Variants in IQCE observed in about 807,000 individuals in gnomAD.
IQCE encodes the protein IQ domain-containing protein E.
Under a neutral mutation model 96.0 loss-of-function variants are expected in IQCE, and 115 were observed. The observed-to-expected ratio is 1.20, with a 90% CI of 1.03 to 1.40. The LOEUF is 1.40. IQCE is among the 40% of genes most tolerant of loss of function. IQCE has a pLI of 0.00. For synonymous variants in IQCE, 412 were observed against 371.2 expected, an observed-to-expected ratio of 1.11 and a Z score of -1.26; for missense variants, 1,041 against 909.1, an observed-to-expected ratio of 1.15 and a Z score of -1.87.
chr7:2,561,388 C>T (rs375882526), intron 1 of IQCE, among the ~76,000 whole-genome samples: 7 of 151,688 alleles, frequency 4.6e-5, no homozygotes, highest in Non-Finnish European at 1.0e-4. Flanking sequence ...TTCTTAATTT[C>T]ATTTCAGCTT....
chr7:2,584,524 C>T (rs1455325660), intron 11 of IQCE: 10 of 518,362 alleles, frequency 1.9e-5, no homozygotes, highest in East Asian at 6.3e-5. Flanking sequence ...CGCCCGTGTT[C>T]GTTATAGATT....
intron 19 of IQCE, among the ~76,000 whole-genome samples, 171 bp downstream of exon 19, chr7:2,605,162 A>G (rs965842681): frequency 2.6e-5 from 4 of 152,146 alleles, no homozygotes; most frequent in Admixed American, 6.5e-5. Context: ...TTCTCTGCGC[A>G]GGCCCCTCTG....
intron 14 of IQCE, among the ~76,000 whole-genome samples, chr7:2,590,492 C>G (rs183287627): frequency 6.6e-6 from 1 of 152,198 alleles, no homozygotes; most frequent in Non-Finnish European, 1.5e-5. Flanking sequence ...TGGCCGGGCA[C>G]GGTGGCTCAT....
At chr7:2,605,090 A>C in intron 19 of IQCE, 99 bp downstream of exon 19, 1 of 818,280 alleles carries the variant, frequency 1.2e-6, no homozygotes, top group Non-Finnish European at 2.0e-6. Flanking sequence ...CAGCCTCCAC[A>C]TCCCCGCCCG....
intron 14 of IQCE, among the ~76,000 whole-genome samples, chr7:2,592,686 C>T (rs1021806325): frequency 5.3e-5 from 8 of 152,242 alleles, no homozygotes; most frequent in African/African-American, 1.7e-4. Context: ...ACGGACCCCG[C>T]GCCTGCCTGC....
chr7:2,602,732 CG>C (rs1562678188), intron 18 of IQCE, among the ~76,000 whole-genome samples: 1 of 152,224 alleles, frequency 6.6e-6, no homozygotes, highest in African/African-American at 2.4e-5. Flanking sequence ...TGCCATGTGC[CG>C]GGCACCAGAG....
rs916420878 is a variant in IQCE, at chr7:2,589,904, C to G, written c.1045-3C>G. The G allele has an allele frequency of 6.2e-7, 1 of 1,613,434 alleles. No individual in the cohort carries two copies. The highest frequency in any genetic ancestry group is 8.5e-7 in the Non-Finnish European group (1 of 1,179,876). On this transcript the variant is annotated splice_region_variant and splice_polypyrimidine_tract_variant and intron_variant, in intron 13 of 21. Transcript: ENST00000402050. ...ATCTAACACATGTCTGTGTTGCCTC[C>G]AGAAACTAAGTGTGATGGAGAGCTC...
intron 8 of IQCE, 99 bp from the exon 9 acceptor site, chr7:2,582,481 A>G (rs1489304745): frequency 2.1e-6 from 2 of 938,448 alleles, no homozygotes; most frequent in Non-Finnish European, 3.4e-6. Flanking sequence ...GGAGGGAGGA[A>G]GGACAGTGAG....
intron 17 of IQCE, among the ~76,000 whole-genome samples, chr7:2,600,633 A>T (rs570880810): frequency 1.3e-5 from 2 of 152,276 alleles, no homozygotes; most frequent in African/African-American, 4.8e-5. Context: ...TCTCACTCTT[A>T]TTCAGTGTAT....
chr7:2,578,430 G>C (rs776095067), intron 7 of IQCE, 46 bp from the exon 8 acceptor site: 25 of 1,589,458 alleles, frequency 1.6e-5, no homozygotes, highest in Non-Finnish European at 2.1e-5. Flanking sequence ...GCCCTGCTGG[G>C]GGCTACACCG....
At chr7:2,577,549 G>T (rs1420241924) in intron 6 of IQCE, among the ~76,000 whole-genome samples, 2 of 120,176 alleles carry the variant, frequency 1.7e-5, no homozygotes, top group African/African-American at 6.7e-5. Flanking sequence ...TGGCGTGTGC[G>T]TGGCTGTGCG....
chr7:2,567,975 C>T lies in IQCE; in HGVS notation c.84+812C>T, dbSNP rs549272901. On this transcript the variant is annotated intron_variant, in intron 2 of 21. Transcript: ENST00000402050. Reference sequence around the variant, plus strand: ...AATTCCCCCCGCGCAGAACTTGGGGCTCAATGTTTCTGCTGGAGGGGAAGT... The same window carrying T: ...AATTCCCCCCGCGCAGAACTTGGGGTTCAATGTTTCTGCTGGAGGGGAAGT... 2.0e-5 allele frequency among the ~76,000 whole-genome samples: 3 copies of T among 152,284 alleles called. No homozygotes were observed. The East Asian group carries it at 5.8e-4, about 29-fold the overall frequency.
chr7:2,594,224 T>C (rs1029696573), intron 15 of IQCE, among the ~76,000 whole-genome samples: 30 of 152,204 alleles, frequency 2.0e-4, no homozygotes, highest in African/African-American at 7.0e-4. Flanking sequence ...CATGCCACTG[T>C]CCTCTATCCT....
In IQCE at chr7:2,611,721, C is replaced by G. The variant is rs537060950; in HGVS notation, c.*1559C>G. On this transcript the variant is annotated 3_prime_UTR_variant, in exon 22 of 22. Transcript: ENST00000402050. ...GCAGGACCCGCCCCACCCTGCGGTTCGAAGCCTGGCCCCTGTCTCCACTTA... is the reference window on the plus strand; with the variant it reads ...GCAGGACCCGCCCCACCCTGCGGTTGGAAGCCTGGCCCCTGTCTCCACTTA... The G allele has an allele frequency of 7.2e-5, 11 of 152,394 alleles. No individual in the cohort carries two copies. In the South Asian group the frequency reaches 2.1e-3, roughly 29 times the overall value. The allele number at this position is 152,394 out of a possible 1,614,324, so 9.4% of individuals were successfully genotyped here. A position where few individuals can be genotyped will look rare whatever the true frequency, so the allele number is the denominator to read the frequency against.
chr7:2,612,132 C>G lies in IQCE; in HGVS notation c.*1970C>G, dbSNP rs769854262. 1 of 152,214 alleles carries G rather than the reference C, an allele frequency of 6.6e-6. No homozygotes were observed. The highest frequency in any genetic ancestry group is 1.5e-5 in the Non-Finnish European group (1 of 68,046). The allele number at this position is 152,214 out of a possible 1,614,324, so 9.4% of individuals were successfully genotyped here. On this transcript the variant is annotated 3_prime_UTR_variant, in exon 22 of 22. Coordinates refer to ENST00000402050, the MANE Select transcript of IQCE (RefSeq NM_152558.5). ...GCGGGACGTGCTCACTCTTGGGAAC[C>G]AGTGGCCTAGAGCTTTGGGTTACAG...
chr7:2,569,119 C>G, intron 3 of IQCE, 120 bp downstream of exon 3: 1 of 923,072 alleles, frequency 1.1e-6, no homozygotes. Context: ...AGCCAGTTGG[C>G]CCCATTCCCA....
intron 20 of IQCE, among the ~76,000 whole-genome samples, chr7:2,606,282 C>T (rs1273758286): frequency 6.6e-6 from 1 of 152,190 alleles, no homozygotes; most frequent in African/African-American, 2.4e-5. Context: ...CTTCACACAC[C>T]GTGTAGCTCA....
At chr7:2,579,703 G>GTA (rs1369966502) in intron 8 of IQCE, among the ~76,000 whole-genome samples, 1 of 19,966 alleles carries the variant, frequency 5.0e-5, no homozygotes, top group African/African-American at 1.5e-4. Flanking sequence ...TTCTGGTGGT[G>GTA]TGTGTGTGTG....
chr7:2,583,608 C>G (rs1224467981), intron 9 of IQCE, 29 bp from the exon 10 acceptor site: 2 of 1,555,662 alleles, frequency 1.3e-6, no homozygotes, highest in Non-Finnish European at 1.8e-6. Flanking sequence ...GCTGGCACAT[C>G]CCTATTAACG....
Sources: gnomAD v4.1 joint callset for allele counts (sites outside exome capture counted in the v4.1 genomes callset) on GRCh38, gnomAD v4.1.1 for gene constraint, MANE v1.5 for transcripts, NCBI Gene and HGNC (gene_info 2026-07-23, HGNC 2026-07-21) for gene names.